The following AGBL4 variants were observed in gnomAD, a reference collection of about 807,000 sequenced individuals.
AGBL4 encodes the protein cytosolic carboxypeptidase 6.
A neutral mutation model predicts 66.4 loss-of-function variants in AGBL4; 58 were observed. The ratio of observed to expected loss-of-function variants is 0.87; its 90% CI spans 0.71 to 1.09. AGBL4 has a LOEUF of 1.09. AGBL4 is among the 50% of genes least tolerant of loss of function. The probability of loss-of-function intolerance (pLI) is 0.00; values close to 1 mark genes in which losing one functional copy is unlikely to be tolerated. For synonymous variants in AGBL4, 234 were observed against 222.9 expected, an observed-to-expected ratio of 1.05 and a Z score of -0.44; for missense variants, 579 against 631.0, an observed-to-expected ratio of 0.92 and a Z score of 0.88.
At chr1:48,587,752 C>T (rs773284221) in intron 10 of AGBL4, among the ~76,000 whole-genome samples, 3 of 151,680 alleles carry the variant, frequency 2.0e-5, no homozygotes, top group Non-Finnish European at 2.9e-5. Flanking sequence ...ATGCCATTCT[C>T]CTGCCTCAGC....
chr1:48,783,398 G>T (rs1299484944), intron 6 of AGBL4, among the ~76,000 whole-genome samples: 1 of 152,128 alleles, frequency 6.6e-6, no homozygotes, highest in Non-Finnish European at 1.5e-5. Flanking sequence ...GCAAAGAGAG[G>T]AGCTGCATGT....
chr1:48,628,588 C>T (rs1392357070), intron 9 of AGBL4, among the ~76,000 whole-genome samples: 3 of 152,148 alleles, frequency 2.0e-5, no homozygotes, highest in Non-Finnish European at 4.4e-5. Context: ...CCATGGGCTT[C>T]CTCAGCCTGC....
chr1:48,792,560 A>C (rs868280293), intron 6 of AGBL4, among the ~76,000 whole-genome samples: 3 of 152,206 alleles, frequency 2.0e-5, no homozygotes, highest in Non-Finnish European at 2.9e-5. Context: ...CTCGATATTC[A>C]TGGAGGTATG....
chr1:49,084,271 T>C (rs1180890892), intron 4 of AGBL4, among the ~76,000 whole-genome samples: 1 of 152,234 alleles, frequency 6.6e-6, no homozygotes, highest in Non-Finnish European at 1.5e-5. Flanking sequence ...TTTTCAGGTA[T>C]CTTTAGAGCA....
At chr1:49,944,011 C>T (rs1312069831) in intron 1 of AGBL4, among the ~76,000 whole-genome samples, 1 of 151,910 alleles carries the variant, frequency 6.6e-6, no homozygotes, top group Non-Finnish European at 1.5e-5. Flanking sequence ...GACCTGGGAA[C>T]CCACACCCCC....
intron 5 of AGBL4, among the ~76,000 whole-genome samples, chr1:49,011,386 T>C (rs548083214): frequency 6.6e-6 from 1 of 152,054 alleles, no homozygotes; most frequent in South Asian, 2.1e-4. Flanking sequence ...AAACAACAGG[T>C]GCTGGAGAGG....
intron 2 of AGBL4, chr1:49,842,170 T>C: frequency 4.8e-6 from 2 of 412,808 alleles, no homozygotes; most frequent in Non-Finnish European, 9.3e-6. Context: ...TGGAGGAGCA[T>C]GTGACCTTTG....
At chr1:49,030,994 A>G (rs1364180693) in intron 5 of AGBL4, among the ~76,000 whole-genome samples, 1 of 129,570 alleles carries the variant, frequency 7.7e-6, no homozygotes, top group Non-Finnish European at 1.9e-5. Context: ...TTTCAGTTAG[A>G]TAGCAGAAAT....
chr1:48,793,692 G>A (rs1414849396), intron 6 of AGBL4, among the ~76,000 whole-genome samples: 1 of 152,136 alleles, frequency 6.6e-6, no homozygotes, highest in East Asian at 1.9e-4. Context: ...CCTTACACAA[G>A]GTAGTAGGAG....
Position 49,851,416 on chromosome 1 carries a change from A to G in AGBL4, c.137T>C (p.Phe46Ser). 6.5e-7 allele frequency: 1 copy of G among 1,549,518 alleles called. No individual in the cohort carries two copies. The highest frequency in any genetic ancestry group is 1.4e-5 in the African/African-American group (1 of 73,100). Residue 46 changes from phenylalanine (F) to serine (S), a missense_variant, in exon 2 of 14, where the codon TTT (phenylalanine) becomes TCT (serine). Transcript: ENST00000371839. ...CTTACCACTTTCAAAGCAAGCATCA[A>G]AGATAAGATGTCCTTTCTTGGGCTG... ...CGQPKKGHLI[F>S]DACFESGNLG...
rs553866021 is a variant in AGBL4, at chr1:48,605,958, C to T, written c.952-14973G>A. 3.9e-5 allele frequency among the ~76,000 whole-genome samples: 6 copies of T among 152,176 alleles called. No homozygotes were observed. The East Asian group carries it at 1.2e-3, about 29-fold the overall frequency. On this transcript the variant is annotated intron_variant, in intron 9 of 13. Coordinates refer to ENST00000371839, the MANE Select transcript of AGBL4 (RefSeq NM_032785.4). Reference sequence around the variant, plus strand: ...GCAAAGCTGTATTTTCTGTTTATTGCCACCAGGTTAATAACAGTAATGGTG... The same window carrying T: ...GCAAAGCTGTATTTTCTGTTTATTGTCACCAGGTTAATAACAGTAATGGTG...
intron 3 of AGBL4, among the ~76,000 whole-genome samples, chr1:49,312,246 A>T (rs1379993229): frequency 6.6e-6 from 1 of 151,682 alleles, no homozygotes; most frequent in African/African-American, 2.4e-5. Flanking sequence ...GAGTGCATTT[A>T]CTCCTTCCTT....
chr1:49,718,888 C>A (rs1208450909), intron 2 of AGBL4, among the ~76,000 whole-genome samples: 1 of 151,968 alleles, frequency 6.6e-6, no homozygotes, highest in African/African-American at 2.4e-5. Context: ...TTTCTCTATT[C>A]TAAAAGTGTC....
Position 49,188,954 on chromosome 1 carries a change from A to G in AGBL4, c.377+56816T>C, listed in dbSNP as rs554370842. ...TAGGTTTTATGGCCAACTCTGATCA[A>G]CTGGCAGTTGCTTTCTAGAGCACTA... On this transcript the variant is annotated intron_variant, in intron 4 of 13. Transcript: ENST00000371839. Among the ~76,000 whole-genome samples, 283 of 152,288 alleles carry G rather than the reference A, an allele frequency of 1.9e-3. 10 individuals carry two copies. The South Asian group carries it at 0.057, about 31-fold the overall frequency.
chr1:49,737,020 T>TA (rs149848660), intron 2 of AGBL4, among the ~76,000 whole-genome samples: 40 of 148,316 alleles, frequency 2.7e-4, no homozygotes, highest in South Asian at 6.4e-4. Flanking sequence ...TTAAAAAGTT[T>TA]AAAAAAAAAA....
At chr1:49,603,967 C>G (rs1022212195) in intron 3 of AGBL4, among the ~76,000 whole-genome samples, 182 of 150,188 alleles carry the variant, frequency 1.2e-3, no homozygotes, top group Non-Finnish European at 2.0e-3. Context: ...CACACACACA[C>G]ACACACACAC....
At chr1:49,955,651 T>C (rs1020339004) in intron 1 of AGBL4, among the ~76,000 whole-genome samples, 4 of 151,944 alleles carry the variant, frequency 2.6e-5, no homozygotes, top group African/African-American at 7.2e-5. Context: ...TAGAGCTCCA[T>C]TTCTTAATGA....
chr1:49,842,938 T>C (rs1234180290), intron 2 of AGBL4, among the ~76,000 whole-genome samples: 2 of 151,922 alleles, frequency 1.3e-5, no homozygotes, highest in African/African-American at 2.4e-5. Flanking sequence ...CAAATAATTG[T>C]TTATAATTCA....
chr1:49,151,778 G>A (rs1184817151), intron 4 of AGBL4, among the ~76,000 whole-genome samples: 1 of 152,154 alleles, frequency 6.6e-6, no homozygotes, highest in South Asian at 2.1e-4. Flanking sequence ...AAGTCCTGCT[G>A]TAAAGAATAT....
Sources: gnomAD v4.1 joint callset for allele counts (sites outside exome capture counted in the v4.1 genomes callset) on GRCh38, gnomAD v4.1.1 for gene constraint, MANE v1.5 for transcripts, NCBI Gene and HGNC (gene_info 2026-07-23, HGNC 2026-07-21) for gene names.